Variants in ECI2 observed in about 807,000 individuals in gnomAD.
ECI2 encodes D3,D2-enoyl-CoA isomerase.
ECI2 carries 27 observed loss-of-function variants against 38.4 expected under a neutral mutation model. The observed-to-expected ratio is 0.70, with a 90% CI of 0.52 to 0.97. The LOEUF is 0.97. ECI2 is among the 50% of genes least tolerant of loss of function. The pLI is 0.00. For missense variants in ECI2, 470 were observed against 474.4 expected (o/e 0.99, Z 0.09); for synonymous variants, 168 against 172.0 (o/e 0.98, Z 0.18).
intron 8 of ECI2, 71 bp from the exon 9 acceptor site, chr6:4,117,522 A>G: frequency 6.4e-7 from 1 of 1,568,514 alleles, no homozygotes; most frequent in Non-Finnish European, 8.6e-7. Context: ...AACTGCTTTC[A>G]GGAGGCTTAG....
chr6:4,125,154 T>C (rs558033058), intron 7 of ECI2, 96 bp downstream of exon 7: 11 of 1,547,614 alleles, frequency 7.1e-6, no homozygotes, highest in African/African-American at 6.8e-5. Context: ...ACAAACAACA[T>C]GTAACCTGCT....
At position 4,130,497 on chromosome 6, in the gene ECI2, T is replaced by C; in HGVS notation, c.376A>G (p.Ser126Gly). ...CTGTCTGTTCCAGGCTCCACCTGACTAGAGGATTCCAATGAAGGACTCAAA... is the reference window on the plus strand; with the variant it reads ...CTGTCTGTTCCAGGCTCCACCTGACCAGAGGATTCCAATGAAGGACTCAAA... ...SSLSPSLESS[S>G]QVEPGTDRKS... is the part of the protein sequence containing the mutation. Residue 126 changes from serine to glycine, a missense_variant, in exon 4 of 10, where the codon AGT becomes GGT. Physicochemically the swap from Ser to Gly is moderately conservative, Grantham distance 56 (BLOSUM62 0). Coordinates refer to ENST00000380118, the MANE Select transcript of ECI2 (RefSeq NM_206836.3). 2 of 1,614,226 alleles carry C rather than the reference T, an allele frequency of 1.2e-6. No individual in the cohort carries two copies. Among genetic ancestry groups the C allele is most frequent in the Non-Finnish European group, 1.7e-6 (2 of 1,180,044 alleles).
intron 7 of ECI2, among the ~76,000 whole-genome samples, chr6:4,121,379 T>A (rs1772738385): frequency 6.6e-6 from 1 of 152,230 alleles, no homozygotes; most frequent in Admixed American, 6.5e-5. Context: ...CAGGCAAATC[T>A]TTTCTCCTGG....
intron 5 of ECI2, among the ~76,000 whole-genome samples, chr6:4,126,801 AGT>A (rs1773191650): frequency 6.6e-6 from 1 of 152,202 alleles, no homozygotes. Flanking sequence ...TATGTTTCTG[AGT>A]GTGTGTGTTT....
chr6:4,122,218 TCTTTG>T (rs1243238119), intron 7 of ECI2, among the ~76,000 whole-genome samples: 1 of 146,302 alleles, frequency 6.8e-6, no homozygotes, highest in Non-Finnish European at 1.5e-5. Context: ...AACCAATCCT[TCTTTG>T]CTTTTTTTTT....
rs745779761 is a variant in ECI2, at chr6:4,117,394, C to T, written c.943G>A (p.Gly315Arg). The T allele has an allele frequency of 6.2e-7, 1 of 1,614,118 alleles. No individual in the cohort carries two copies. Among genetic ancestry groups the T allele is most frequent in the Non-Finnish European group, 8.5e-7 (1 of 1,180,000 alleles). ...KLTAGEACAQ[G>R]LVTEVFPDST... ...TCAGGGAAAACTTCAGTAACAAGTC[C>T]TTGAGCACATGCCTCTCCCGCTGTT... The change falls in exon 9 of 10, where the codon GGA (glycine) becomes AGA (arginine). Residue 315 changes from glycine to arginine, a missense_variant. Gly to Arg is a moderately radical substitution (Grantham distance 125). Transcript: ENST00000380118.
chr6:4,132,129 C>T (rs1221762687), intron 2 of ECI2, among the ~76,000 whole-genome samples: 1 of 152,140 alleles, frequency 6.6e-6, no homozygotes, highest in Non-Finnish European at 1.5e-5. Flanking sequence ...CTGTTAAACG[C>T]ACAATTAATA....
chr6:4,134,362 C>T (rs1208282087), intron 1 of ECI2, among the ~76,000 whole-genome samples: 1 of 152,126 alleles, frequency 6.6e-6, no homozygotes, highest in Non-Finnish European at 1.5e-5. Context: ...GTGCCCCTTT[C>T]TATGGGTATG....
At position 4,115,838 on chromosome 6, in the gene ECI2, C is replaced by A. The variant is rs1436715590; in HGVS notation, c.*36G>T. 3 of 1,580,890 alleles carry A rather than the reference C, an allele frequency of 1.9e-6. No individual in the cohort carries two copies. The highest frequency in any genetic ancestry group is 1.8e-5 in the Admixed American group (1 of 55,432). On this transcript the variant is annotated 3_prime_UTR_variant, in exon 10 of 10. Transcript: ENST00000380118. ...TGGAAATCAGAGGTAACAGCACATC[C>A]TTCCTTGGACATGCTTTACTCTGCT...
intron 7 of ECI2, 104 bp from the exon 8 acceptor site, chr6:4,119,379 G>T: frequency 1.2e-6 from 1 of 838,714 alleles, no homozygotes; most frequent in Non-Finnish European, 1.8e-6. Flanking sequence ...GCAGTGAAGT[G>T]GCGCGATCTC....
intron 2 of ECI2, among the ~76,000 whole-genome samples, chr6:4,131,182 C>T (rs763906789): frequency 2.0e-5 from 3 of 152,054 alleles, no homozygotes; most frequent in Non-Finnish European, 4.4e-5. Context: ...CACAAACAAT[C>T]AAAATATTCA....
At chr6:4,120,639 A>G (rs1373957883) in intron 7 of ECI2, among the ~76,000 whole-genome samples, 2 of 151,942 alleles carry the variant, frequency 1.3e-5, no homozygotes, top group African/African-American at 4.8e-5. Flanking sequence ...AGGCACAAGA[A>G]TTGCTTGAAC....
At chr6:4,128,248 G>A (rs1327431688) in intron 4 of ECI2, among the ~76,000 whole-genome samples, 1 of 151,838 alleles carries the variant, frequency 6.6e-6, no homozygotes, top group Admixed American at 6.6e-5. Flanking sequence ...CAGAGTGGGA[G>A]GTGGTCAGAG....
chr6:4,130,778 T>A lies in ECI2; in HGVS notation c.301A>T (p.Ser101Cys). ...ACTAGTAAACTCACCTTGGGCAGGCTGCCAAGGGCATTCCATGCGTCCCAT... is the reference window on the plus strand; with the variant it reads ...ACTAGTAAACTCACCTTGGGCAGGCAGCCAAGGGCATTCCATGCGTCCCAT... ...AKWDAWNALG[S>C]LPKEAARQNY... Residue 101 changes from serine to cysteine, a missense_variant, in exon 3 of 10, where the codon AGC (serine) becomes TGC (cysteine). By Grantham distance (112) the Ser-to-Cys change is moderately radical. Transcript: ENST00000380118. 1.2e-6 allele frequency: 2 copies of A among 1,614,132 alleles called. No individual in the cohort carries two copies. Among genetic ancestry groups the A allele is most frequent in the South Asian group, 2.2e-5 (2 of 91,030 alleles).
chr6:4,120,951 T>C (rs1206395826), intron 7 of ECI2, among the ~76,000 whole-genome samples: 1 of 152,190 alleles, frequency 6.6e-6, no homozygotes, highest in Non-Finnish European at 1.5e-5. Context: ...GTGAATCTCT[T>C]TTAAATTATC....
At position 4,117,413 on chromosome 6, in the gene ECI2, C is replaced by T. The variant is rs12557; in HGVS notation, c.924G>A (p.Ala308=). The part of the protein sequence containing the change: ...EMLIFGKKLT[A]GEACAQGLVT... ...CAAGTCCTTGAGCACATGCCTCTCCCGCTGTTAACTTCTTTCCAAAAATAA... is the reference window on the plus strand; with the variant it reads ...CAAGTCCTTGAGCACATGCCTCTCCTGCTGTTAACTTCTTTCCAAAAATAA... Residue 308 remains alanine (A), a synonymous_variant, in exon 9 of 10, where the codon GCG becomes GCA. Coordinates refer to ENST00000380118, the MANE Select transcript of ECI2 (RefSeq NM_206836.3). 2.6e-3 allele frequency: 4,258 copies of T among 1,613,724 alleles called. 86 individuals are homozygous for T. The African/African-American group carries it at 0.05, about 19-fold the overall frequency.
At chr6:4,127,929 C>T in intron 4 of ECI2, 98 bp from the exon 5 acceptor site, 1 of 1,121,380 alleles carries the variant, frequency 8.9e-7, no homozygotes, top group Non-Finnish European at 1.3e-6. Context: ...TTGCTCTCAG[C>T]AAAGTGCCTA....
At position 4,123,585 on chromosome 6, in the gene ECI2, T is replaced by G. The variant is rs1262653795; in HGVS notation, c.795+1665A>C. 2.3e-4 allele frequency among the ~76,000 whole-genome samples: 35 copies of G among 150,422 alleles called. 1 individual carries two copies. Among genetic ancestry groups the G allele is most frequent in the Non-Finnish European group, 8.9e-5 (6 of 67,706 alleles). On this transcript the variant is annotated intron_variant, in intron 7 of 9. Transcript: ENST00000380118. Reference sequence around the variant, plus strand: ...TATTATAATATATATAGAATAGATATGTTTTATATGTATTATGTATATATG... The same window carrying G: ...TATTATAATATATATAGAATAGATAGGTTTTATATGTATTATGTATATATG...
chr6:4,130,646 G>A (rs753557732), intron 3 of ECI2, 86 bp from the exon 4 acceptor site: 1 of 1,605,296 alleles, frequency 6.2e-7, no homozygotes, highest in Non-Finnish European at 8.5e-7. Context: ...CTAACACCTT[G>A]CAATGAAGAA....
Sources: gnomAD v4.1 joint callset for allele counts (sites outside exome capture counted in the v4.1 genomes callset) on GRCh38, gnomAD v4.1.1 for gene constraint, MANE v1.5 for transcripts, NCBI Gene and HGNC (gene_info 2026-07-23, HGNC 2026-07-21) for gene names.